DIAPH2: variants seen among roughly 807,000 people sequenced by gnomAD.
DIAPH2 encodes protein diaphanous homolog 2.
In DIAPH2, 35 loss-of-function variants were observed where a neutral mutation model predicts 92.7. That is an observed-to-expected ratio of 0.38 (90% CI 0.29 to 0.50). The LOEUF (loss-of-function observed/expected upper bound fraction) is 0.50. Among genes scored for constraint, DIAPH2 ranks in the 20% least tolerant of loss-of-function variants. DIAPH2 has a pLI of 0.94. For synonymous variants in DIAPH2, 301 were observed against 280.4 expected, an observed-to-expected ratio of 1.07 and a Z score of -0.73; for missense variants, 701 against 819.5, an observed-to-expected ratio of 0.86 and a Z score of 1.77.
chrX:97,248,029 A>G (rs1481033587), intron 23 of DIAPH2, among the ~76,000 whole-genome samples, 190 bp downstream of exon 23: 2 of 112,052 alleles, frequency 1.8e-5, no homozygotes, highest in African/African-American at 6.5e-5. Flanking sequence ...CAAGGGAACA[A>G]TTAGATTTTT....
chrX:97,231,946 T>A (rs865788952), intron 22 of DIAPH2, among the ~76,000 whole-genome samples: 6 of 106,620 alleles, frequency 5.6e-5, no homozygotes, highest in African/African-American at 2.0e-4. Flanking sequence ...TTAAAAAAAA[T>A]AAAAAGATGA....
intron 25 of DIAPH2, among the ~76,000 whole-genome samples, chrX:97,412,397 T>C (rs1010653012): frequency 6.3e-5 from 7 of 111,943 alleles, no homozygotes; most frequent in South Asian, 3.7e-4. Context: ...GGGACACATT[T>C]AAAGCAGCAT....
intron 17 of DIAPH2, among the ~76,000 whole-genome samples, chrX:97,051,926 G>A (rs1297424140): frequency 8.9e-6 from 1 of 111,841 alleles, no homozygotes; most frequent in Non-Finnish European, 1.9e-5. Context: ...CTTCAATATA[G>A]TATTTACTGA....
intron 17 of DIAPH2, among the ~76,000 whole-genome samples, chrX:97,043,324 T>A (rs186067385): frequency 9.0e-6 from 1 of 111,198 alleles, no homozygotes; most frequent in African/African-American, 3.3e-5. Context: ...ACCTGAGTAA[T>A]GTTTTAGTTG....
At chrX:97,141,148 A>G (rs1324325706) in intron 21 of DIAPH2, among the ~76,000 whole-genome samples, 1 of 110,847 alleles carries the variant, frequency 9.0e-6, no homozygotes, top group Admixed American at 9.7e-5. Flanking sequence ...ATTTTTTTTA[A>G]TAACTCAGTA....
chrX:97,129,121 CT>C (rs201471280), intron 21 of DIAPH2, among the ~76,000 whole-genome samples: 5 of 74,027 alleles, frequency 6.8e-5, no homozygotes, highest in East Asian at 7.2e-4. Context: ...CTTTTCTTTT[CT>C]TTTCTTTTCT....
rs759909049 is a variant in DIAPH2, at chrX:97,599,357, C to T, written c.*40C>T. The T allele has an allele frequency of 2.5e-4, 240 of 963,771 alleles. No homozygotes were observed. Among genetic ancestry groups the T allele is most frequent in the Non-Finnish European group, 3.2e-4 (223 of 693,224 alleles). 79.4% of individuals were successfully genotyped at this position (963,771 alleles called of 1,213,427 possible). ...GAATATGAAAATATTTAAGTAAAAACAAAATGATGCATTTTGAGAAGAACA... is the reference window on the plus strand; with the variant it reads ...GAATATGAAAATATTTAAGTAAAAATAAAATGATGCATTTTGAGAAGAACA... On this transcript the variant is annotated 3_prime_UTR_variant, in exon 27 of 27. Transcript: ENST00000324765.
At chrX:97,403,854 CT>C (rs775278102) in intron 25 of DIAPH2, among the ~76,000 whole-genome samples, 335 of 98,068 alleles carry the variant, frequency 3.4e-3, no homozygotes, top group African/African-American at 5.2e-3. Flanking sequence ...ACAGATAATC[CT>C]TTTTTTTTTT....
intron 4 of DIAPH2, among the ~76,000 whole-genome samples, chrX:96,775,101 G>A (rs1372460073): frequency 9.1e-6 from 1 of 110,364 alleles, no homozygotes; most frequent in African/African-American, 3.3e-5. Flanking sequence ...TAGGTCCCTT[G>A]CCTCTTGGTA....
intron 4 of DIAPH2, among the ~76,000 whole-genome samples, chrX:96,834,689 A>T (rs1009055715): frequency 2.7e-5 from 3 of 111,736 alleles, no homozygotes; most frequent in Non-Finnish European, 5.6e-5. Context: ...GTAAATCTAT[A>T]TCATATATAG....
intron 26 of DIAPH2, among the ~76,000 whole-genome samples, chrX:97,506,242 C>G (rs56102100): frequency 0.11 from 11,576 of 101,930 alleles, 657 homozygotes; most frequent in Middle Eastern, 0.33. Context: ...CTCTGCCTCC[C>G]AGGTTCAAGC....
Position 97,414,523 on chromosome X carries a change from G to A in DIAPH2, c.3146-15127G>A, listed in dbSNP as rs187749686. ...AAATTAGCCGGGCATGGTGGTGGGC[G>A]CCTGTAGTCCCAGCTACTTGGGAGG... On this transcript the variant is annotated intron_variant, in intron 25 of 26. Transcript: ENST00000324765. 2.7e-3 allele frequency among the ~76,000 whole-genome samples: 296 copies of A among 109,317 alleles called. 1 individual carries two copies. The highest frequency in any genetic ancestry group is 0.023 in the Middle Eastern group (5 of 217). The allele number at this position is 109,317 out of a possible 115,157, so 94.9% of individuals were successfully genotyped here.
chrX:97,402,818 A>G (rs377687466), intron 25 of DIAPH2, among the ~76,000 whole-genome samples: 63 of 112,289 alleles, frequency 5.6e-4, no homozygotes, highest in African/African-American at 2.0e-3. Flanking sequence ...GTAAAATCGC[A>G]TTAAGAAATT....
intron 26 of DIAPH2, among the ~76,000 whole-genome samples, chrX:97,495,313 A>G (rs1414293980): frequency 8.9e-6 from 1 of 112,276 alleles, no homozygotes; most frequent in Non-Finnish European, 1.9e-5. Flanking sequence ...GGAGAACAAG[A>G]GATGGAACTT....
chrX:97,270,797 G>A (rs954821302), intron 23 of DIAPH2, among the ~76,000 whole-genome samples: 27 of 110,448 alleles, frequency 2.4e-4, no homozygotes, highest in African/African-American at 7.9e-4. Flanking sequence ...CCACATAACT[G>A]TAAAAGTATT....
chrX:96,749,268 A>C (rs927244325), intron 3 of DIAPH2, among the ~76,000 whole-genome samples: 1 of 109,476 alleles, frequency 9.1e-6, no homozygotes, highest in African/African-American at 3.3e-5. Context: ...AAAAATGAGA[A>C]AAACATGAAC....
intron 4 of DIAPH2, among the ~76,000 whole-genome samples, chrX:96,844,982 C>T (rs2064961638): frequency 8.9e-6 from 1 of 111,857 alleles, no homozygotes; most frequent in Non-Finnish European, 1.9e-5. Context: ...AAGGAAAATA[C>T]ATTTCTTCTT....
chrX:97,456,884 A>G (rs2070410757), intron 26 of DIAPH2, among the ~76,000 whole-genome samples: 1 of 112,193 alleles, frequency 8.9e-6, no homozygotes, highest in Non-Finnish European at 1.9e-5. Context: ...AGCATCCACA[A>G]AAGATGAAGA....
chrX:97,066,746 G>A (rs1206135936), intron 17 of DIAPH2, among the ~76,000 whole-genome samples: 1 of 112,205 alleles, frequency 8.9e-6, no homozygotes, highest in Non-Finnish European at 1.9e-5. Context: ...GCAGTGTTCA[G>A]TAATTGGCTT....
Sources: gnomAD v4.1 joint callset for allele counts (sites outside exome capture counted in the v4.1 genomes callset) on GRCh38, gnomAD v4.1.1 for gene constraint, MANE v1.5 for transcripts, NCBI Gene and HGNC (gene_info 2026-07-23, HGNC 2026-07-21) for gene names.